Variants in TMEM74 observed in about 807,000 individuals in gnomAD.
TMEM74 encodes transmembrane protein 74.
TMEM74 carries 13 observed loss-of-function variants against 18.1 expected under a neutral mutation model. The observed-to-expected ratio is 0.72, with a 90% confidence interval of 0.47 to 1.14. The LOEUF is 1.14. Ranked by LOEUF, TMEM74 falls within the 50% of genes most tolerant of loss-of-function variation. TMEM74 has a pLI of 0.00. For synonymous variants in TMEM74, 159 were observed against 146.6 expected, an observed-to-expected ratio of 1.08 and a Z score of -0.61; for missense variants, 372 against 375.9, an observed-to-expected ratio of 0.99 and a Z score of 0.09.
chr8:108,669,952 C>T (rs1279210837), intron 1 of TMEM74, among the ~76,000 whole-genome samples: 1 of 146,826 alleles, frequency 6.8e-6, no homozygotes, highest in Non-Finnish European at 1.5e-5. Flanking sequence ...GCAAGAGAAT[C>T]ACTTGAACTC....
At chr8:108,689,396 G>GC (rs1316706051) in intron 1 of TMEM74, among the ~76,000 whole-genome samples, 2 of 152,132 alleles carry the variant, frequency 1.3e-5, no homozygotes, top group Non-Finnish European at 2.9e-5. Flanking sequence ...CAGTTTTTCT[G>GC]CCCCACAGAA....
At chr8:108,641,282 T>C (rs1276518493) in intron 2 of TMEM74, among the ~76,000 whole-genome samples, 2 of 152,134 alleles carry the variant, frequency 1.3e-5, no homozygotes, top group Non-Finnish European at 2.9e-5. Context: ...ATATACTCAT[T>C]ACAGACATCT....
chr8:108,672,525 C>T (rs1363054664), intron 1 of TMEM74, among the ~76,000 whole-genome samples: 1 of 152,162 alleles, frequency 6.6e-6, no homozygotes, highest in Non-Finnish European at 1.5e-5. Flanking sequence ...ACCAGCACAG[C>T]TGCTTTCTGG....
intron 2 of TMEM74, among the ~76,000 whole-genome samples, chr8:108,611,635 G>A (rs1053480535): frequency 2.0e-5 from 3 of 152,214 alleles, no homozygotes; most frequent in South Asian, 4.1e-4. Context: ...TATATGTGTT[G>A]TTGCCGATTT....
intron 1 of TMEM74, among the ~76,000 whole-genome samples, chr8:108,731,191 G>A (rs192582789): frequency 2.4e-4 from 37 of 151,854 alleles, no homozygotes; most frequent in Middle Eastern, 3.4e-3. Flanking sequence ...AGGAAGTTGA[G>A]TAAATTGCTA....
At chr8:108,726,480 C>A (rs759924331) in intron 1 of TMEM74, among the ~76,000 whole-genome samples, 16 of 152,226 alleles carry the variant, frequency 1.1e-4, no homozygotes, top group Admixed American at 5.9e-4. Context: ...TTTGATATAG[C>A]ATTTTTGAAA....
intron 1 of TMEM74, among the ~76,000 whole-genome samples, chr8:108,727,543 G>A (rs1813651124): frequency 6.6e-6 from 1 of 152,096 alleles, no homozygotes; most frequent in Admixed American, 6.5e-5. Flanking sequence ...GGGGAGCTGT[G>A]GTGAAGCTAG....
chr8:108,660,709 C>G (rs1482416405), intron 1 of TMEM74, among the ~76,000 whole-genome samples: 31 of 152,136 alleles, frequency 2.0e-4, no homozygotes, highest in Admixed American at 2.0e-3. Flanking sequence ...ACATCATAAA[C>G]CTGCCCCTTT....
chr8:108,635,642 T>C (rs988441183), intron 2 of TMEM74, among the ~76,000 whole-genome samples: 1 of 152,084 alleles, frequency 6.6e-6, no homozygotes, highest in African/African-American at 2.4e-5. Flanking sequence ...CTTAGAAGGT[T>C]TGCAAATAGA....
intron 1 of TMEM74, among the ~76,000 whole-genome samples, chr8:108,730,895 G>A (rs1221482120): frequency 6.6e-6 from 1 of 152,124 alleles, no homozygotes; most frequent in East Asian, 1.9e-4. Context: ...CTCCCAAAGT[G>A]CTGGGATTAC....
intron 1 of TMEM74, among the ~76,000 whole-genome samples, chr8:108,740,768 T>C (rs1813792348): frequency 6.6e-6 from 1 of 152,216 alleles, no homozygotes; most frequent in African/African-American, 2.4e-5. Context: ...TTAAAATCTC[T>C]GGTAACTAAT....
At chr8:108,721,073 T>C (rs973416226) in intron 1 of TMEM74, among the ~76,000 whole-genome samples, 8 of 152,178 alleles carry the variant, frequency 5.3e-5, no homozygotes, top group African/African-American at 1.9e-4. Flanking sequence ...CTGGCCAAGA[T>C]ATAAAATTTA....
At chr8:108,748,479 T>C (rs1815025490) in intron 1 of TMEM74, among the ~76,000 whole-genome samples, 1 of 151,990 alleles carries the variant, frequency 6.6e-6, no homozygotes, top group African/African-American at 2.4e-5. Flanking sequence ...GTTTGTCACA[T>C]GGATAGATTG....
downstream of TMEM74, among the ~76,000 whole-genome samples, chr8:108,776,731 GAT>G (rs1814237927): frequency 8.2e-6 from 1 of 121,750 alleles, no homozygotes; most frequent in Non-Finnish European, 1.9e-5. Flanking sequence ...GTTTCCACAT[GAT>G]GATGATGATG....
chr8:108,781,621 C>T lies in TMEM74; in HGVS notation c.*2560G>A, dbSNP rs1033356344. Among the ~76,000 whole-genome samples, 11 of 151,978 alleles carry T rather than the reference C, an allele frequency of 7.2e-5. 1 individual carries two copies. Among genetic ancestry groups the T allele is most frequent in the Admixed American group, 2.0e-4 (3 of 15,266 alleles). ...ATGGTTTGCCCTCAGATAAGTAGAA[C>T]CTTAAAAGAGAGGTGCTCTATATGT... On this transcript the variant is annotated 3_prime_UTR_variant, in exon 2 of 2. Transcript: ENST00000297459.
At chr8:108,706,773 A>AGG (rs1305794185) in intron 1 of TMEM74, among the ~76,000 whole-genome samples, 3 of 82,098 alleles carry the variant, frequency 3.7e-5, no homozygotes, top group African/African-American at 4.9e-5. Flanking sequence ...TAGAATTACA[A>AGG]GGGGTGTGTG....
chr8:108,685,071 G>A (rs1229475545), intron 1 of TMEM74, among the ~76,000 whole-genome samples: 2 of 151,984 alleles, frequency 1.3e-5, no homozygotes, highest in Non-Finnish European at 2.9e-5. Flanking sequence ...ATGAGCATGG[G>A]ATGTCTTTCT....
intron 1 of TMEM74, among the ~76,000 whole-genome samples, chr8:108,692,503 C>A (rs1813241325): frequency 6.6e-6 from 1 of 152,132 alleles, no homozygotes; most frequent in Non-Finnish European, 1.5e-5. Context: ...TCTGGATGAT[C>A]TTATACAGGC....
intron 2 of TMEM74, among the ~76,000 whole-genome samples, chr8:108,641,554 T>A (rs1812665028): frequency 6.6e-6 from 1 of 152,118 alleles, no homozygotes; most frequent in Non-Finnish European, 1.5e-5. Flanking sequence ...TCCCACCATG[T>A]TAACTCACCC....
Sources: allele counts gnomAD v4.1 joint callset (sites outside exome capture counted in the v4.1 genomes callset), GRCh38; gene constraint gnomAD v4.1.1; transcripts MANE v1.5; gene names NCBI Gene and HGNC (gene_info 2026-07-23, HGNC 2026-07-21).